RANBP2: variants seen among roughly 807,000 people sequenced by gnomAD.
RANBP2 encodes the protein RAN binding protein 2, also known as E3 SUMO-protein ligase RanBP2.
RANBP2 carries 57 observed loss-of-function variants against 303.6 expected under a neutral mutation model. That is an observed-to-expected ratio of 0.19 (90% CI 0.15 to 0.23). The LOEUF (loss-of-function observed/expected upper bound fraction) is 0.23. RANBP2 is among the 10% of genes least tolerant of loss of function. The pLI is 1.00. For missense variants in RANBP2, 3,138 were observed against 3,780.8 expected, an observed-to-expected ratio of 0.83 and a Z score of 4.46; for synonymous variants, 1,167 against 1,301.5, an observed-to-expected ratio of 0.90 and a Z score of 2.23.
the RANBP2 span, chr2:108,856,662 C>CT: frequency 6.5e-6 from 5 of 767,884 alleles, no homozygotes; most frequent in Middle Eastern, 3.6e-4. Context: ...TAAATTTAGA[C>CT]TGTGATCTCT....
the RANBP2 span, chr2:109,545,420 G>A: frequency 1.3e-6 from 2 of 1,535,832 alleles, no homozygotes; most frequent in South Asian, 2.4e-5. Context: ...TCATCCACAT[G>A]CTACTCATGG....
the RANBP2 span, among the ~76,000 whole-genome samples, chr2:108,913,828 T>C: frequency 6.6e-6 from 1 of 151,508 alleles, no homozygotes; most frequent in Non-Finnish European, 1.5e-5. Flanking sequence ...CAGGCGCCTG[T>C]AGTCCCAGCT....
chr2:109,675,078 C>A, the RANBP2 span, among the ~76,000 whole-genome samples: 1 of 152,154 alleles, frequency 6.6e-6, no homozygotes, highest in East Asian at 1.9e-4. Flanking sequence ...CAAGGATCCT[C>A]CCACCTCAGC....
chr2:109,606,350 G>A, the RANBP2 span, among the ~76,000 whole-genome samples: 1 of 152,160 alleles, frequency 6.6e-6, no homozygotes, highest in East Asian at 1.9e-4. Flanking sequence ...GGGAGGCAGA[G>A]GTTGCAGTGA....
At chr2:108,730,938 A>G (rs1695120965) in intron 3 of RANBP2, 53 bp downstream of exon 3, 3 of 1,593,630 alleles carry the variant, frequency 1.9e-6, no homozygotes, top group Non-Finnish European at 2.6e-6. Flanking sequence ...CATGATGCCC[A>G]GAGAAATTTA....
At chr2:109,614,046 T>A in the RANBP2 span, 1 of 1,211,738 alleles carries the variant, frequency 8.3e-7, no homozygotes, top group Non-Finnish European at 1.0e-6. Flanking sequence ...GCGTTTTGCC[T>A]GCGCCAAGCG....
At chr2:109,432,410 C>T in the RANBP2 span, 3 of 1,521,014 alleles carry the variant, frequency 2.0e-6, no homozygotes, top group African/African-American at 2.8e-5. Flanking sequence ...AGGTTGGGTT[C>T]CTCCAAAGAC....
chr2:108,781,033 T>C (rs1267942807), intron 25 of RANBP2, among the ~76,000 whole-genome samples: 4 of 151,680 alleles, frequency 2.6e-5, no homozygotes, highest in African/African-American at 4.8e-5. Flanking sequence ...TTAGTAGAGA[T>C]GGGGTTTCAC....
At chr2:109,133,722 ATTTTT>A in the RANBP2 span, among the ~76,000 whole-genome samples, 2 of 128,850 alleles carry the variant, frequency 1.6e-5, no homozygotes, top group African/African-American at 2.7e-5. Context: ...CCAAGGGACA[ATTTTT>A]TTTTTTTTTT....
At chr2:108,859,505 T>G in the RANBP2 span, among the ~76,000 whole-genome samples, 5 of 152,182 alleles carry the variant, frequency 3.3e-5, no homozygotes, top group African/African-American at 4.8e-5. Context: ...TTTCCTAGAT[T>G]TTCTTCTAGG....
chr2:109,461,694 A>G, the RANBP2 span, among the ~76,000 whole-genome samples: 8 of 151,762 alleles, frequency 5.3e-5, no homozygotes, highest in South Asian at 6.3e-4. Context: ...TCCACCTGCC[A>G]GAGGCCCCAC....
the RANBP2 span, among the ~76,000 whole-genome samples, chr2:109,066,204 G>A: frequency 6.6e-6 from 1 of 151,940 alleles, no homozygotes; most frequent in Admixed American, 6.6e-5. Flanking sequence ...CGTCTCCTGG[G>A]TTCAAGCGAT....
At chr2:109,026,026 T>C in the RANBP2 span, among the ~76,000 whole-genome samples, 12 of 152,074 alleles carry the variant, frequency 7.9e-5, no homozygotes, top group Non-Finnish European at 1.6e-4. Flanking sequence ...GCAGAAACGC[T>C]TGCAGTTCAG....
chr2:109,553,244 C>T, the RANBP2 span: 1 of 1,611,534 alleles, frequency 6.2e-7, no homozygotes, highest in Non-Finnish European at 8.5e-7. Flanking sequence ...GTGTTACTCT[C>T]CTGCTAAAAA....
the RANBP2 span, among the ~76,000 whole-genome samples, chr2:109,591,872 G>A: frequency 6.6e-6 from 1 of 152,046 alleles, no homozygotes; most frequent in Non-Finnish European, 1.5e-5. Flanking sequence ...ACTCCAGCCT[G>A]GGCAACAGAG....
chr2:109,597,577 C>CAAGTTG, the RANBP2 span, among the ~76,000 whole-genome samples: 1 of 149,416 alleles, frequency 6.7e-6, no homozygotes, highest in South Asian at 2.2e-4. Context: ...CCTTTGACTA[C>CAAGTTG]ACAGTCAATT....
downstream of RANBP2, chr2:108,786,935 T>A (rs375533252): frequency 2.7e-6 from 4 of 1,486,978 alleles, no homozygotes; most frequent in Non-Finnish European, 3.6e-6. Flanking sequence ...CCGCCTGAGG[T>A]CCGCGGGTGG....
At chr2:108,756,019 C>G (rs940904740) in intron 17 of RANBP2, among the ~76,000 whole-genome samples, 2 of 152,192 alleles carry the variant, frequency 1.3e-5, no homozygotes, top group Non-Finnish European at 2.9e-5. Context: ...CCCCCGAGCC[C>G]AGCCCTTTAC....
the RANBP2 span, among the ~76,000 whole-genome samples, chr2:109,331,464 C>G: frequency 6.6e-6 from 1 of 152,132 alleles, no homozygotes; most frequent in Non-Finnish European, 1.5e-5. Flanking sequence ...GGAGCACTTT[C>G]TCCCAAAACC....
Sources: allele counts gnomAD v4.1 joint callset (sites outside exome capture counted in the v4.1 genomes callset), GRCh38; gene constraint gnomAD v4.1.1; transcripts MANE v1.5; gene names NCBI Gene and HGNC (gene_info 2026-07-23, HGNC 2026-07-21).